SLC24A3: variants seen among roughly 807,000 people sequenced by gnomAD.
SLC24A3 encodes the protein sodium/potassium/calcium exchanger 3.
Under a neutral mutation model 75.8 loss-of-function variants are expected in SLC24A3, and 28 were observed. The ratio of observed to expected loss-of-function variants is 0.37; its 90% CI spans 0.27 to 0.51. The LOEUF is 0.51. Ranked by LOEUF, SLC24A3 falls within the 20% of genes least tolerant of loss-of-function variation. The probability of loss-of-function intolerance (pLI) is 0.94; values close to 1 mark genes in which losing one functional copy is unlikely to be tolerated. For synonymous variants in SLC24A3, 372 were observed against 334.1 expected (o/e 1.11, Z -1.24); for missense variants, 663 against 847.8 (o/e 0.78, Z 2.71).
intron 2 of SLC24A3, among the ~76,000 whole-genome samples, chr20:19,328,047 A>T (rs1243121075): frequency 6.6e-6 from 1 of 152,160 alleles, no homozygotes; most frequent in Non-Finnish European, 1.5e-5. Flanking sequence ...TTGCTTTTTA[A>T]GGCCAAGGTT....
intron 2 of SLC24A3, among the ~76,000 whole-genome samples, chr20:19,343,886 G>C (rs1985331712): frequency 6.6e-6 from 1 of 152,162 alleles, no homozygotes; most frequent in Non-Finnish European, 1.5e-5. Flanking sequence ...ATATACGCCT[G>C]GTGGAAATGT....
chr20:19,355,488 T>C (rs1296638995), intron 2 of SLC24A3, among the ~76,000 whole-genome samples: 1 of 152,216 alleles, frequency 6.6e-6, no homozygotes, highest in African/African-American at 2.4e-5. Flanking sequence ...GATTTGATTC[T>C]TCTCTCTGGC....
chr20:19,705,467 C>T (rs1346994812), intron 15 of SLC24A3, among the ~76,000 whole-genome samples: 1 of 152,190 alleles, frequency 6.6e-6, no homozygotes, highest in African/African-American at 2.4e-5. Context: ...ATCCCAGGTT[C>T]ATGAAAAAGC....
At chr20:19,309,621 G>A (rs1371388530) in intron 2 of SLC24A3, among the ~76,000 whole-genome samples, 4 of 152,160 alleles carry the variant, frequency 2.6e-5, no homozygotes, top group African/African-American at 7.2e-5. Flanking sequence ...CTTTGGGAGG[G>A]ATAACAAGAT....
At chr20:19,546,410 C>A (rs986000632) in intron 3 of SLC24A3, among the ~76,000 whole-genome samples, 4 of 152,134 alleles carry the variant, frequency 2.6e-5, no homozygotes, top group Non-Finnish European at 5.9e-5. Context: ...CTTCTCCCAT[C>A]TTTTAAAGTA....
At chr20:19,709,635 G>C (rs894159359) in intron 15 of SLC24A3, among the ~76,000 whole-genome samples, 2 of 151,966 alleles carry the variant, frequency 1.3e-5, no homozygotes, top group African/African-American at 4.8e-5. Context: ...AAAAAAAAGT[G>C]CTAGGCAGGA....
chr20:19,392,645 T>C (rs1986387113), intron 2 of SLC24A3, among the ~76,000 whole-genome samples: 1 of 152,206 alleles, frequency 6.6e-6, no homozygotes, highest in Non-Finnish European at 1.5e-5. Context: ...TTATGTGCCG[T>C]TGAGATTGAT....
chr20:19,414,865 G>T (rs1054282315), intron 2 of SLC24A3, among the ~76,000 whole-genome samples: 2 of 152,016 alleles, frequency 1.3e-5, no homozygotes, highest in Non-Finnish European at 2.9e-5. Context: ...TTCCCTTTCT[G>T]CCTTGGCTGT....
At chr20:19,266,731 A>G (rs1983178034) in intron 1 of SLC24A3, among the ~76,000 whole-genome samples, 1 of 152,258 alleles carries the variant, frequency 6.6e-6, no homozygotes, top group African/African-American at 2.4e-5. Context: ...TATTAGATGT[A>G]TGAAAAATAC....
intron 8 of SLC24A3, among the ~76,000 whole-genome samples, chr20:19,671,780 G>A (rs980663282): frequency 6.6e-6 from 1 of 152,134 alleles, no homozygotes; most frequent in Non-Finnish European, 1.5e-5. Flanking sequence ...GAGGTGTGGT[G>A]TGGATGTGTA....
At chr20:19,243,567 G>T (rs1485782740) in intron 1 of SLC24A3, among the ~76,000 whole-genome samples, 1 of 152,202 alleles carries the variant, frequency 6.6e-6, no homozygotes, top group Non-Finnish European at 1.5e-5. Context: ...AGGAGAACAT[G>T]GGTAGGTAAT....
chr20:19,280,097 C>A (rs757239255), intron 1 of SLC24A3, among the ~76,000 whole-genome samples: 1 of 152,080 alleles, frequency 6.6e-6, no homozygotes, highest in Non-Finnish European at 1.5e-5. Context: ...CAAAGTTCCT[C>A]CCTTTCCGTG....
chr20:19,569,464 C>T (rs2031014915), intron 3 of SLC24A3, among the ~76,000 whole-genome samples: 1 of 152,134 alleles, frequency 6.6e-6, no homozygotes, highest in Non-Finnish European at 1.5e-5. Context: ...CATTTCCTTT[C>T]CATCCTTTCC....
intron 2 of SLC24A3, among the ~76,000 whole-genome samples, chr20:19,380,970 TA>T (rs1342241103): frequency 6.6e-6 from 1 of 152,104 alleles, no homozygotes; most frequent in Non-Finnish European, 1.5e-5. Context: ...CCAGGACACA[TA>T]GGTAAGACAC....
At chr20:19,217,186 CT>C (rs1981584293) in intron 1 of SLC24A3, among the ~76,000 whole-genome samples, 1 of 152,200 alleles carries the variant, frequency 6.6e-6, no homozygotes. Context: ...GTCATTTTCG[CT>C]ATTTTCTGTT....
At chr20:19,252,601 C>G (rs1373693222) in intron 1 of SLC24A3, among the ~76,000 whole-genome samples, 2 of 148,148 alleles carry the variant, frequency 1.3e-5, no homozygotes, top group African/African-American at 2.5e-5. Context: ...TCTTTTCTCT[C>G]TCTTTCAGCT....
chr20:19,249,631 G>A (rs902447290), intron 1 of SLC24A3, among the ~76,000 whole-genome samples: 1 of 152,078 alleles, frequency 6.6e-6, no homozygotes, highest in Non-Finnish European at 1.5e-5. Context: ...CTTGTGAAAT[G>A]GGTTTATCGC....
At chr20:19,699,733 T>C (rs999157806) in intron 15 of SLC24A3, among the ~76,000 whole-genome samples, 4 of 152,176 alleles carry the variant, frequency 2.6e-5, no homozygotes, top group Non-Finnish European at 2.9e-5. Context: ...GGCCTCTAAT[T>C]CCTTCCCTAA....
chr20:19,426,165 C>G (rs537224793), intron 2 of SLC24A3, among the ~76,000 whole-genome samples: 26 of 152,332 alleles, frequency 1.7e-4, no homozygotes, highest in Admixed American at 1.4e-3. Flanking sequence ...GATTCTTCCT[C>G]ACTTCCTCCC....
Sources: allele counts gnomAD v4.1 joint callset (sites outside exome capture counted in the v4.1 genomes callset), GRCh38; gene constraint gnomAD v4.1.1; transcripts MANE v1.5; gene names NCBI Gene and HGNC (gene_info 2026-07-23, HGNC 2026-07-21).